Variants in MACROD2 observed in about 807,000 individuals in gnomAD.
The protein encoded by MACROD2 is mono-ADP ribosylhydrolase 2, also known as ADP-ribose glycohydrolase MACROD2.
A neutral mutation model predicts 70.4 loss-of-function variants in MACROD2; 36 were observed. The ratio of observed to expected loss-of-function variants is 0.51; its 90% CI spans 0.39 to 0.68. The LOEUF is 0.68. Ranked by LOEUF, MACROD2 falls within the 30% of genes least tolerant of loss-of-function variation. The probability of loss-of-function intolerance (pLI) is 0.00; values close to 1 mark genes in which losing one functional copy is unlikely to be tolerated. For missense variants in MACROD2, 496 were observed against 538.4 expected (o/e 0.92, Z 0.78); for synonymous variants, 172 against 178.8 (o/e 0.96, Z 0.30).
At chr20:14,133,206 T>C (rs1270934796) in intron 3 of MACROD2, among the ~76,000 whole-genome samples, 1 of 152,232 alleles carries the variant, frequency 6.6e-6, no homozygotes, top group African/African-American at 2.4e-5. Flanking sequence ...CCCAGTCAAG[T>C]TGATACATAA....
intron 6 of MACROD2, among the ~76,000 whole-genome samples, chr20:15,238,371 A>T (rs1470888367): frequency 3.3e-5 from 5 of 152,098 alleles, no homozygotes; most frequent in Non-Finnish European, 7.4e-5. Flanking sequence ...GTGTCACCTT[A>T]GTTAAAGTTT....
At position 14,367,216 on chromosome 20, in the gene MACROD2, C is replaced by T. The variant is rs560342861; in HGVS notation, c.272-126263C>T. ...CTCATGTTAATGTTTTTATAGATAA[C>T]ATCTTTATACATTGTGTGTCTGATA... On this transcript the variant is annotated intron_variant, in intron 3 of 17. Transcript: ENST00000684519. Among the ~76,000 whole-genome samples, 104 of 152,192 alleles carry T rather than the reference C, an allele frequency of 6.8e-4. 1 individual carries two copies. The highest frequency in any genetic ancestry group is 5.4e-4 in the Non-Finnish European group (37 of 68,006).
intron 6 of MACROD2, among the ~76,000 whole-genome samples, chr20:15,249,441 A>C (rs1203364337): frequency 2.0e-5 from 3 of 152,186 alleles, no homozygotes; most frequent in Non-Finnish European, 4.4e-5. Context: ...ATTCACACAC[A>C]CACAACTGAC....
chr20:14,563,110 T>C (rs1979546558), intron 4 of MACROD2, among the ~76,000 whole-genome samples: 1 of 151,860 alleles, frequency 6.6e-6, no homozygotes, highest in African/African-American at 2.4e-5. Flanking sequence ...TTGACCTCAA[T>C]TCTGCCCTCA....
intron 3 of MACROD2, among the ~76,000 whole-genome samples, chr20:14,355,398 A>G (rs2083163009): frequency 6.6e-6 from 1 of 152,176 alleles, no homozygotes; most frequent in South Asian, 2.1e-4. Flanking sequence ...TAATCCATAT[A>G]TTTTTAACTC....
rs186660204 is a variant in MACROD2, at chr20:15,599,341, G to A, written c.645+99494G>A. 2.8e-3 allele frequency among the ~76,000 whole-genome samples: 432 copies of A among 152,146 alleles called. 1 individual carries two copies. The highest frequency in any genetic ancestry group is 9.5e-3 in the African/African-American group (395 of 41,508). On this transcript the variant is annotated intron_variant, in intron 8 of 17. Coordinates refer to ENST00000684519, the MANE Select transcript of MACROD2 (RefSeq NM_001351661.2). ...CGGGAGGCAGAGGTTGCAGTGAGCCGAGATCGCGCCACTGCACTCCAGTCT... is the reference window on the plus strand; with the variant it reads ...CGGGAGGCAGAGGTTGCAGTGAGCCAAGATCGCGCCACTGCACTCCAGTCT...
In MACROD2 at chr20:15,866,833, G is replaced by A. The variant is rs147564213; in HGVS notation, c.727+4007G>A. 3.0e-3 allele frequency among the ~76,000 whole-genome samples: 459 copies of A among 152,266 alleles called. 2 individuals carry two copies. The highest frequency in any genetic ancestry group is 4.2e-3 in the Non-Finnish European group (283 of 68,012). ...ATTGAATTCCATTCACATTATAGAG[G>A]TATTGTGGTGCTATTACCTGCAGAT... On this transcript the variant is annotated intron_variant, in intron 9 of 17. Transcript: ENST00000684519.
intron 13 of MACROD2, among the ~76,000 whole-genome samples, chr20:15,968,799 A>G (rs1251944680): frequency 4.3e-3 from 5 of 1,158 alleles, no homozygotes; most frequent in African/African-American, 7.2e-3. Context: ...TATTATGCGT[A>G]TATATATATA....
chr20:15,414,130 C>G (rs1203517683), intron 6 of MACROD2, among the ~76,000 whole-genome samples: 2 of 152,220 alleles, frequency 1.3e-5, no homozygotes, highest in Middle Eastern at 3.4e-3. Flanking sequence ...TTTACTGCCA[C>G]TTGGAGTTAA....
intron 6 of MACROD2, among the ~76,000 whole-genome samples, chr20:15,350,932 G>A (rs1211012107): frequency 6.6e-6 from 1 of 151,726 alleles, no homozygotes; most frequent in Non-Finnish European, 1.5e-5. Context: ...TATAATAATA[G>A]CAAAACAAAA....
At chr20:14,524,472 C>G (rs1021028169) in intron 4 of MACROD2, among the ~76,000 whole-genome samples, 1 of 152,148 alleles carries the variant, frequency 6.6e-6, no homozygotes, top group Admixed American at 6.5e-5. Context: ...TGAAGACTTT[C>G]TTTTCTAACT....
chr20:14,352,736 G>A (rs1015285822), intron 3 of MACROD2, among the ~76,000 whole-genome samples: 11 of 150,110 alleles, frequency 7.3e-5, no homozygotes, highest in Non-Finnish European at 8.9e-5. Context: ...TCTTTTTCTC[G>A]TTCCTTAATT....
chr20:15,048,872 T>G (rs2075416668), intron 5 of MACROD2, among the ~76,000 whole-genome samples: 1 of 152,174 alleles, frequency 6.6e-6, no homozygotes, highest in Non-Finnish European at 1.5e-5. Flanking sequence ...GTATTTTTAA[T>G]ACATAATGTT....
intron 5 of MACROD2, among the ~76,000 whole-genome samples, chr20:15,072,110 A>G (rs1226508895): frequency 6.6e-6 from 1 of 152,196 alleles, no homozygotes; most frequent in Non-Finnish European, 1.5e-5. Context: ...TAATATCTTT[A>G]AATGTCTACA....
chr20:15,727,341 T>A (rs1233323576), intron 8 of MACROD2, among the ~76,000 whole-genome samples: 1 of 152,082 alleles, frequency 6.6e-6, no homozygotes, highest in Non-Finnish European at 1.5e-5. Flanking sequence ...GGTTACTGTA[T>A]CTTTGTAGTA....
rs1329668375 is a variant in MACROD2, at chr20:15,986,790, T to C, written c.1049T>C (p.Met350Thr). ...GAAACAGAATCGCAGAGCTCATATA[T>C]GGAAACAGAAGGTACTGAAACCAAA... ...KIETESQSSY[M>T]ETEELSSNQE... The change falls in exon 14 of 18, where the codon ATG becomes ACG. Residue 350 changes from methionine (M) to threonine (T), a missense_variant. Transcript: ENST00000684519. 1.7e-5 allele frequency: 27 copies of C among 1,612,560 alleles called. No homozygotes were observed. The highest frequency in any genetic ancestry group is 2.7e-5 in the African/African-American group (2 of 74,890).
intron 8 of MACROD2, among the ~76,000 whole-genome samples, chr20:15,782,940 C>T (rs1009775979): frequency 2.6e-5 from 4 of 151,832 alleles, no homozygotes; most frequent in Admixed American, 6.6e-5. Flanking sequence ...CTTAATGTCC[C>T]GGAGAATACA....
intron 7 of MACROD2, among the ~76,000 whole-genome samples, chr20:15,491,850 T>G (rs1263824742): frequency 6.6e-6 from 1 of 152,216 alleles, no homozygotes; most frequent in Non-Finnish European, 1.5e-5. Context: ...ACACAGCATA[T>G]GCCAAGAAGA....
chr20:14,413,956 C>CT (rs755914891), intron 3 of MACROD2, among the ~76,000 whole-genome samples: 21 of 152,016 alleles, frequency 1.4e-4, no homozygotes, highest in Non-Finnish European at 2.6e-4. Flanking sequence ...ATAAATGTGA[C>CT]TTTTCAGTAT....
Sources: allele counts gnomAD v4.1 joint callset (sites outside exome capture counted in the v4.1 genomes callset), GRCh38; gene constraint gnomAD v4.1.1; transcripts MANE v1.5; gene names NCBI Gene and HGNC (gene_info 2026-07-23, HGNC 2026-07-21).